The following TENM3 variants were observed in gnomAD, a reference collection of about 807,000 sequenced individuals.
The protein encoded by TENM3 is teneurin transmembrane protein 3, also known as teneurin-3.
TENM3 carries 63 observed loss-of-function variants against 255.1 expected under a neutral mutation model. The ratio of observed to expected loss-of-function variants is 0.25; its 90% CI spans 0.20 to 0.30. The LOEUF (loss-of-function observed/expected upper bound fraction) is 0.30, where lower values mean the gene tolerates loss of function less well. Among genes scored for constraint, TENM3 ranks in the 10% least tolerant of loss-of-function variants. TENM3 has a pLI of 1.00. For synonymous variants in TENM3, 1,306 were observed against 1,322.3 expected (o/e 0.99, Z 0.27); for missense variants, 2,929 against 3,461.1 (o/e 0.85, Z 3.86).
chr4:181,974,616 A>G, the TENM3 span, among the ~76,000 whole-genome samples: 16 of 152,206 alleles, frequency 1.1e-4, no homozygotes, highest in Admixed American at 2.0e-4. Flanking sequence ...TGAATGAGCA[A>G]GAGGGAAGCA....
chr4:182,140,986 T>TCCCCCCCCCCCCCCCCCCCCCCC (rs199951374), upstream of TENM3, among the ~76,000 whole-genome samples: 1 of 115,654 alleles, frequency 8.6e-6, no homozygotes, highest in African/African-American at 3.2e-5. Context: ...GCCCATTATA[T>TCCCCCCCCCCCCCCCCCCCCCCC]CCCTCCCCCC....
chr4:182,754,976 G>C lies in TENM3; in HGVS notation c.4609G>C (p.Val1537Leu), dbSNP rs1255530074. ...NGTHQYTVSL[V>L]TGDYLYNFSY... ...TACTCACCAATATACTGTAAGTTTA[G>C]TCACTGGTGATTACCTTTACAATTT... The change falls in exon 22 of 28, where the codon GTC becomes CTC. Residue 1537 changes from valine to leucine, a missense_variant. Coordinates refer to ENST00000511685, the MANE Select transcript of TENM3 (RefSeq NM_001080477.4). This position sits in a 1 kb window ranked among gnomAD's most constrained non-coding sequence, Gnocchi z 5.1. The C allele has an allele frequency of 6.2e-7, 1 of 1,613,988 alleles. No individual in the cohort carries two copies. Among genetic ancestry groups the C allele is most frequent in the Admixed American group, 1.7e-5 (1 of 60,024 alleles).
the TENM3 span, among the ~76,000 whole-genome samples, chr4:182,027,198 G>A: frequency 6.6e-6 from 1 of 151,910 alleles, no homozygotes; most frequent in Admixed American, 6.6e-5. Context: ...ATTGTAAATG[G>A]CTATTGTAAA....
the TENM3 span, among the ~76,000 whole-genome samples, chr4:181,944,438 G>T: frequency 6.6e-6 from 1 of 151,190 alleles, no homozygotes; most frequent in Admixed American, 6.6e-5. Context: ...GGCGAAGGGG[G>T]ATCCTTTTCA....
the TENM3 span, among the ~76,000 whole-genome samples, chr4:181,908,496 T>C: frequency 1.3e-5 from 2 of 152,210 alleles, no homozygotes; most frequent in Non-Finnish European, 1.5e-5. Flanking sequence ...TATTGGGTGA[T>C]ACATTTTAAA....
At chr4:182,677,918 G>A (rs1755792958) in intron 7 of TENM3, among the ~76,000 whole-genome samples, 1 of 152,040 alleles carries the variant, frequency 6.6e-6, no homozygotes, top group Non-Finnish European at 1.5e-5. Flanking sequence ...TTTTATTCCA[G>A]TTTGATTGGA....
the TENM3 span, among the ~76,000 whole-genome samples, chr4:181,515,390 T>G: frequency 6.6e-6 from 1 of 152,250 alleles, no homozygotes; most frequent in East Asian, 1.9e-4. Flanking sequence ...AGCAAAATGT[T>G]CCTAAGGCTG....
chr4:182,325,795 T>A (rs1472677854), intron 2 of TENM3, among the ~76,000 whole-genome samples: 1 of 152,110 alleles, frequency 6.6e-6, no homozygotes, highest in Non-Finnish European at 1.5e-5. Flanking sequence ...TGGAATATTA[T>A]TCGAAGGAAA....
chr4:181,592,250 A>AACAGAAACACACACACACACACACAC, the TENM3 span, among the ~76,000 whole-genome samples: 353 of 126,820 alleles, frequency 2.8e-3, 2 homozygotes, highest in African/African-American at 0.01. Context: ...AAGCTGTTTA[A>AACAGAAACACACACACACACACACAC]ACACAAACAC....
chr4:181,922,712 G>T, the TENM3 span, among the ~76,000 whole-genome samples: 1 of 150,406 alleles, frequency 6.6e-6, no homozygotes, highest in African/African-American at 2.4e-5. Context: ...TTTTTTGAAG[G>T]GTTTTTTGTG....
chr4:182,075,200 C>CTTTTTTTTTT, the TENM3 span, among the ~76,000 whole-genome samples: 1 of 128,198 alleles, frequency 7.8e-6, no homozygotes, highest in Non-Finnish European at 1.6e-5. Flanking sequence ...TGTTTTTTTT[C>CTTTTTTTTTT]TTTTTTTTTT....
chr4:182,770,433 C>G (rs922492712), intron 22 of TENM3, among the ~76,000 whole-genome samples: 2 of 152,152 alleles, frequency 1.3e-5, no homozygotes, highest in African/African-American at 4.8e-5. Context: ...CAGCCGGGCC[C>G]CTGCACCCCG....
chr4:182,268,463 G>A (rs1459060700), intron 1 of TENM3, among the ~76,000 whole-genome samples: 1 of 152,062 alleles, frequency 6.6e-6, no homozygotes, highest in Non-Finnish European at 1.5e-5. Flanking sequence ...TAAAAGGGAG[G>A]GGGGAAATGT....
chr4:182,193,231 C>T (rs767890424), intron 1 of TENM3, among the ~76,000 whole-genome samples: 17 of 152,162 alleles, frequency 1.1e-4, no homozygotes, highest in Non-Finnish European at 2.4e-4. Flanking sequence ...GAATATGTCA[C>T]GAGTATAAAA....
Position 182,743,376 on chromosome 4 carries a change from C to T in TENM3, c.3586C>T (p.Arg1196Trp), listed in dbSNP as rs1333313221. 4.3e-6 allele frequency: 7 copies of T among 1,613,734 alleles called. No individual in the cohort carries two copies. The Admixed American group carries it at 5.0e-5, about 12-fold the overall frequency. The part of the protein sequence containing the change: ...LYVGDFNYVR[R>W]IFPSGNVTSV... ...CGTAGGCGATTTCAACTATGTGCGG[C>T]GGATATTCCCTTCTGGAAATGTAAC... The change falls in exon 19 of 28, where the codon CGG becomes TGG. Residue 1196 changes from arginine (R) to tryptophan (W), a missense_variant. By Grantham distance (101) the Arg-to-Trp change is moderately radical. This residue lies in a region of TENM3 where 1,608 missense variants were observed against 1,884.4 expected (regional missense o/e 0.85). Coordinates refer to ENST00000511685, the MANE Select transcript of TENM3 (RefSeq NM_001080477.4).
the TENM3 span, among the ~76,000 whole-genome samples, chr4:181,759,723 G>GGTGTGTGTGT: frequency 2.8e-5 from 2 of 71,722 alleles, no homozygotes; most frequent in African/African-American, 4.6e-5. Context: ...GCAATCAACA[G>GGTGTGTGTGT]ATGTGTGTGT....
intron 3 of TENM3, among the ~76,000 whole-genome samples, chr4:182,438,715 T>C (rs1333950194): frequency 2.6e-5 from 4 of 152,224 alleles, no homozygotes; most frequent in Non-Finnish European, 5.9e-5. Flanking sequence ...ATATCATCTG[T>C]ACTGAGGCTA....
chr4:181,610,310 G>A, the TENM3 span, among the ~76,000 whole-genome samples: 2 of 152,148 alleles, frequency 1.3e-5, no homozygotes, highest in African/African-American at 4.8e-5. Context: ...TTTCATTTGT[G>A]AGGCGTGTAT....
chr4:181,805,366 G>A, the TENM3 span, among the ~76,000 whole-genome samples: 1 of 151,982 alleles, frequency 6.6e-6, no homozygotes, highest in Non-Finnish European at 1.5e-5. Flanking sequence ...TCCCTGCGGT[G>A]GAAGCCCCTT....
Sources: gnomAD v4.1 joint callset for allele counts (sites outside exome capture counted in the v4.1 genomes callset) on GRCh38, gnomAD v4.1.1 for gene constraint, gnomAD v4.1.1 regional missense constraint, Gnocchi (gnomAD v3.1) non-coding constraint, MANE v1.5 for transcripts, NCBI Gene and HGNC (gene_info 2026-07-23, HGNC 2026-07-21) for gene names.